Variants in SLC35D1 observed in about 807,000 individuals in gnomAD.
The protein encoded by SLC35D1 is nucleotide sugar transporter SLC35D1.
Under a neutral mutation model 46.7 loss-of-function variants are expected in SLC35D1, and 31 were observed. That is an observed-to-expected ratio of 0.66 (90% CI 0.50 to 0.90). SLC35D1 has a LOEUF of 0.90. SLC35D1 is among the 40% of genes least tolerant of loss of function. The pLI is 0.00. For synonymous variants in SLC35D1, 195 were observed against 164.6 expected, an observed-to-expected ratio of 1.18 and a Z score of -1.41; for missense variants, 397 against 426.2, an observed-to-expected ratio of 0.93 and a Z score of 0.60.
At position 67,052,062 on chromosome 1, in the gene SLC35D1, T is replaced by C. The variant is rs1035632666; in HGVS notation, c.342A>G (p.Leu114=). The C allele has an allele frequency of 1.2e-6, 2 of 1,608,806 alleles. No individual in the cohort carries two copies. Among genetic ancestry groups the C allele is most frequent in the African/African-American group, 1.3e-5 (1 of 74,776 alleles). The change falls in exon 4 of 12, where the codon CTA becomes CTG. Residue 114 remains leucine (L), a synonymous_variant. Transcript: ENST00000235345. ...NVPRKTFPLP[L]LYFGNQITGL... ...CCGTGATTTGGTTCCCAAAATATAG[T>C]AGAGGTAGTGGAAACGTCTAGAAAA...
At chr1:67,048,975 T>C (rs1449760688) in intron 6 of SLC35D1, among the ~76,000 whole-genome samples, 1 of 152,190 alleles carries the variant, frequency 6.6e-6, no homozygotes, top group East Asian at 1.9e-4. Context: ...AGAGGAGACA[T>C]GCTTTTCTTT....
intron 7 of SLC35D1, among the ~76,000 whole-genome samples, chr1:67,043,928 G>T (rs1224141471): frequency 1.3e-5 from 2 of 152,160 alleles, no homozygotes; most frequent in Non-Finnish European, 2.9e-5. Flanking sequence ...AAGGATGGGG[G>T]CATAACACTT....
the SLC35D1 span, among the ~76,000 whole-genome samples, chr1:66,974,098 TA>T: frequency 3.3e-5 from 5 of 152,018 alleles, no homozygotes; most frequent in Admixed American, 1.3e-4. Context: ...TTATTTTTAT[TA>T]TTTTTTTTTT....
chr1:67,014,298 AT>A (rs1347484555), intron 10 of SLC35D1, among the ~76,000 whole-genome samples: 2 of 152,192 alleles, frequency 1.3e-5, no homozygotes, highest in African/African-American at 4.8e-5. Flanking sequence ...TTAAAATATA[AT>A]TTACTACCCT....
downstream of SLC35D1, among the ~76,000 whole-genome samples, chr1:66,997,537 TAACCCCTTTAG>T (rs1558144785): frequency 3.7e-3 from 488 of 133,182 alleles, 3 homozygotes; most frequent in African/African-American, 0.012. Flanking sequence ...TATATATATA[TAACCCCTTTAG>T]ATATAGATAT....
chr1:66,991,555 T>TC, the SLC35D1 span, among the ~76,000 whole-genome samples: 3 of 152,356 alleles, frequency 2.0e-5, no homozygotes, highest in East Asian at 5.8e-4. Flanking sequence ...TCCATGCTAG[T>TC]CTTCACAAGG....
chr1:67,045,212 T>A (rs1047020432), intron 7 of SLC35D1, among the ~76,000 whole-genome samples: 2 of 152,194 alleles, frequency 1.3e-5, no homozygotes, highest in African/African-American at 4.8e-5. Context: ...CTTTATACAT[T>A]TTAATTGTTT....
rs141110029 is a variant in SLC35D1 at position 67,002,997 on chromosome 1, A to C, written c.*1343T>G. The C allele has an allele frequency of 6.6e-6, 1 of 152,356 alleles. No homozygotes were observed. The highest frequency in any genetic ancestry group is 2.1e-4 in the South Asian group (1 of 4,830). 9.4% of individuals were successfully genotyped at this position (152,356 alleles called of 1,614,324 possible). ...GCCCATTCACAGCTGCTCTCCCAAA[A>C]TGCAGCATTGGTTTTGAGAGAAGTT... On this transcript the variant is annotated 3_prime_UTR_variant, in exon 12 of 12. Transcript: ENST00000235345.
intron 4 of SLC35D1, among the ~76,000 whole-genome samples, chr1:67,051,251 G>A (rs1645305157): frequency 6.6e-6 from 1 of 152,182 alleles, no homozygotes; most frequent in African/African-American, 2.4e-5. Context: ...AGGAAGAAAT[G>A]AAAAACACCT....
At chr1:67,027,236 C>T (rs1242416897) in intron 8 of SLC35D1, among the ~76,000 whole-genome samples, 1 of 151,648 alleles carries the variant, frequency 6.6e-6, no homozygotes, top group Non-Finnish European at 1.5e-5. Flanking sequence ...TAATGAGGTC[C>T]TTCTTTAATT....
downstream of SLC35D1, among the ~76,000 whole-genome samples, chr1:66,996,463 T>C (rs1264394337): frequency 1.3e-5 from 2 of 152,182 alleles, no homozygotes; most frequent in African/African-American, 2.4e-5. Flanking sequence ...GCAAGGGTGT[T>C]TGAAGTCAGA....
the SLC35D1 span, among the ~76,000 whole-genome samples, chr1:66,993,888 T>C: frequency 1.3e-5 from 2 of 152,234 alleles, no homozygotes; most frequent in African/African-American, 2.4e-5. Flanking sequence ...GGAAAACTCT[T>C]GGAAACATAA....
At chr1:67,005,780 A>AC (rs1283660718) in intron 11 of SLC35D1, among the ~76,000 whole-genome samples, 7 of 152,196 alleles carry the variant, frequency 4.6e-5, no homozygotes, top group African/African-American at 1.7e-4. Flanking sequence ...CTCCACTCCA[A>AC]CTGCTGCCTC....
At chr1:67,027,457 A>G (rs1667937467) in intron 8 of SLC35D1, among the ~76,000 whole-genome samples, 1 of 151,888 alleles carries the variant, frequency 6.6e-6, no homozygotes, top group Non-Finnish European at 1.5e-5. Flanking sequence ...CTTCCTTCTT[A>G]AAAGACAGGT....
At chr1:66,991,804 T>A in the SLC35D1 span, among the ~76,000 whole-genome samples, 2 of 143,728 alleles carry the variant, frequency 1.4e-5, no homozygotes, top group African/African-American at 2.6e-5. Flanking sequence ...CTTTTTTTTT[T>A]ATATCATACC....
chr1:66,994,921 G>GAAAAAAAAA (rs61387414), downstream of SLC35D1, among the ~76,000 whole-genome samples: 22 of 96,164 alleles, frequency 2.3e-4, no homozygotes, highest in Admixed American at 3.3e-4. Context: ...GGCAAAAAAA[G>GAAAAAAAAA]AAAAAAAAAA....
the SLC35D1 span, chr1:66,984,799 A>G: frequency 1.2e-6 from 2 of 1,614,050 alleles, no homozygotes; most frequent in Non-Finnish European, 1.7e-6. Context: ...CAAAAGGCGA[A>G]GGGTAAACAG....
chr1:66,985,568 T>C, the SLC35D1 span: 4 of 985,378 alleles, frequency 4.1e-6, no homozygotes, highest in Middle Eastern at 5.2e-4. Flanking sequence ...CCAGATTCTT[T>C]GTAGCCTTTG....
intron 4 of SLC35D1, among the ~76,000 whole-genome samples, chr1:67,050,705 G>C (rs994855239): frequency 6.6e-6 from 1 of 152,080 alleles, no homozygotes; most frequent in Non-Finnish European, 1.5e-5. Flanking sequence ...AAAACTACTA[G>C]AAGTGAGAAA....
Sources: gnomAD v4.1 joint callset for allele counts (sites outside exome capture counted in the v4.1 genomes callset) on GRCh38, gnomAD v4.1.1 for gene constraint, MANE v1.5 for transcripts, NCBI Gene and HGNC (gene_info 2026-07-23, HGNC 2026-07-21) for gene names.